AMHR2: variants seen among roughly 807,000 people sequenced by gnomAD.
The protein encoded by AMHR2 is anti-Mullerian hormone receptor type 2.
In AMHR2, 36 loss-of-function variants were observed where a neutral mutation model predicts 61.4. The ratio of observed to expected loss-of-function variants is 0.59; its 90% CI spans 0.45 to 0.77. The LOEUF (loss-of-function observed/expected upper bound fraction) is 0.77, where lower values mean the gene tolerates loss of function less well. Among genes scored for constraint, AMHR2 ranks in the 30% least tolerant of loss-of-function variants. The pLI, the probability that AMHR2 is intolerant of heterozygous loss-of-function variation, is 0.00. For missense variants in AMHR2, 638 were observed against 714.6 expected, an observed-to-expected ratio of 0.89 and a Z score of 1.22; for synonymous variants, 258 against 279.4, an observed-to-expected ratio of 0.92 and a Z score of 0.76.
In AMHR2 at chr12:53,425,642, C is replaced by T. The variant is rs200782636; in HGVS notation, c.622-47C>T. 1.5e-4 allele frequency: 247 copies of T among 1,612,736 alleles called. No homozygotes were observed. The African/African-American group carries it at 2.9e-3, about 19-fold the overall frequency. ...AGGTTGTGCTGGGGAGGAATCCTGGCCCTGTTATAGCTCAGAGGCCCACAC... is the reference window on the plus strand; with the variant it reads ...AGGTTGTGCTGGGGAGGAATCCTGGTCCTGTTATAGCTCAGAGGCCCACAC... On this transcript the variant is annotated intron_variant, in intron 5 of 10. Coordinates refer to ENST00000257863, the MANE Select transcript of AMHR2 (RefSeq NM_020547.3).
chr12:53,424,179 A>G (rs1939319798), intron 1 of AMHR2, 109 bp from the exon 2 acceptor site: 4 of 1,482,114 alleles, frequency 2.7e-6, no homozygotes, highest in Non-Finnish European at 3.8e-6. Flanking sequence ...TGGCTTTACC[A>G]TACTGACGCT....
At position 53,425,586 on chromosome 12, in the gene AMHR2, G is replaced by A. The variant is rs1362248356; in HGVS notation, c.621+13G>A. On this transcript the variant is annotated intron_variant, in intron 5 of 10. Transcript: ENST00000257863. ...GTGTTTCTCCCAGGTGCCCCAGGGAGGGAGAGAAGGGCTCCTCTGGGCACT... is the reference window on the plus strand; with the variant it reads ...GTGTTTCTCCCAGGTGCCCCAGGGAAGGAGAGAAGGGCTCCTCTGGGCACT... The A allele has an allele frequency of 6.2e-7, 1 of 1,613,540 alleles. No individual in the cohort carries two copies. The highest frequency in any genetic ancestry group is 8.5e-7 in the Non-Finnish European group (1 of 1,179,822).
intron 3 of AMHR2, 95 bp from the exon 4 acceptor site, chr12:53,425,070 G>A: frequency 2.5e-6 from 4 of 1,599,908 alleles, no homozygotes; most frequent in Non-Finnish European, 2.5e-6. Flanking sequence ...TGACCAGGGT[G>A]GGGGTGGGTT....
chr12:53,423,872 T>G lies in AMHR2; in HGVS notation c.-63T>G, dbSNP rs758648320. 15 of 1,581,090 alleles carry G rather than the reference T, an allele frequency of 9.5e-6. No individual in the cohort carries two copies. The highest frequency in any genetic ancestry group is 1.1e-5 in the Non-Finnish European group (13 of 1,151,156). ...GATGCCCTGTATCTGAAGAAAGATT[T>G]GGCCAGGGGCAGCTGTGCTGGCTTA... On this transcript the variant is annotated 5_prime_UTR_variant, in exon 1 of 11. Coordinates refer to ENST00000257863, the MANE Select transcript of AMHR2 (RefSeq NM_020547.3).
Position 53,431,437 on chromosome 12 carries a change from G to C in AMHR2, c.1686G>C (p.Arg562Ser), listed in dbSNP as rs778363612. The change falls in exon 11 of 11, where the codon AGG (arginine) becomes AGC (serine). Residue 562 changes from arginine (R) to serine (S), a missense_variant. Transcript: ENST00000257863. ...GCGTTCAGCAAGGCCCTTGTTCCAGGAATCCTCAGCCTGCCTGTACCCTTT... is the reference window on the plus strand; with the variant it reads ...GCGTTCAGCAAGGCCCTTGTTCCAGCAATCCTCAGCCTGCCTGTACCCTTT... Reference protein sequence around the residue: ...HFSVQQGPCSRNPQPACTLSP... With the variant: ...HFSVQQGPCSSNPQPACTLSP... 22 of 1,614,098 alleles carry C rather than the reference G, an allele frequency of 1.4e-5. 1 individual carries two copies. In the Middle Eastern group the frequency reaches 4.9e-4, roughly 36 times the overall value.
chr12:53,431,379 C>G lies in AMHR2; in HGVS notation c.1628C>G (p.Pro543Arg). The G allele has an allele frequency of 6.2e-7, 1 of 1,614,232 alleles. No individual in the cohort carries two copies. The highest frequency in any genetic ancestry group is 8.5e-7 in the Non-Finnish European group (1 of 1,180,042). The change falls in exon 11 of 11, where the codon CCC becomes CGC. Residue 543 changes from proline (P) to arginine (R), a missense_variant. Pro to Arg is a moderately radical substitution (Grantham distance 103, BLOSUM62 -2). Transcript: ENST00000257863. The part of the protein sequence containing the change: ...CTSIPAPTIL[P>R]CRPQRSACHF... ...TCAATTCCTGCCCCTACCATCCTCCCCTGTAGGCCTCAGCGGAGTGCCTGC... is the reference window on the plus strand; with the variant it reads ...TCAATTCCTGCCCCTACCATCCTCCGCTGTAGGCCTCAGCGGAGTGCCTGC...
Position 53,429,879 on chromosome 12 carries a change from G to T in AMHR2, c.1189G>T (p.Asp397Tyr). 1.2e-6 allele frequency: 2 copies of T among 1,614,192 alleles called. No individual in the cohort carries two copies. The highest frequency in any genetic ancestry group is 1.7e-6 in the Non-Finnish European group (2 of 1,180,036). The change falls in exon 9 of 11, where the codon GAC (aspartate) becomes TAC (tyrosine). Residue 397 changes from aspartate (D) to tyrosine (Y), a missense_variant. By Grantham distance (160) the Asp-to-Tyr change is radical. Transcript: ENST00000257863. ...ACCAGAGCTCTTGGACAAGACTCTG[G>T]ACCTACAGGATTGGGGCATGGCCCT... ...MAPELLDKTL[D>Y]LQDWGMALRR...
At position 53,431,404 on chromosome 12, in the gene AMHR2, C is replaced by G; in HGVS notation, c.1653C>G (p.Cys551Trp). Residue 551 changes from cysteine to tryptophan, a missense_variant, in exon 11 of 11, where the codon TGC becomes TGG. Coordinates refer to ENST00000257863, the MANE Select transcript of AMHR2 (RefSeq NM_020547.3). ...ILPCRPQRSACHFSVQQGPCS... is the reference protein window; with the variant it reads ...ILPCRPQRSAWHFSVQQGPCS... ...CCTGTAGGCCTCAGCGGAGTGCCTG[C>G]CACTTCAGCGTTCAGCAAGGCCCTT... 1 of 1,614,224 alleles carries G rather than the reference C, an allele frequency of 6.2e-7. No individual in the cohort carries two copies. The highest frequency in any genetic ancestry group is 2.2e-5 in the East Asian group (1 of 44,886).
chr12:53,430,206 C>G lies in AMHR2; in HGVS notation c.1349C>G (p.Ser450Cys). ...GCAGAACTGGGCAATACCCCTACCTCTGATGAGCTATGGGCCTTGGCAGTG... is the reference window on the plus strand; with the variant it reads ...GCAGAACTGGGCAATACCCCTACCTGTGATGAGCTATGGGCCTTGGCAGTG... ...YEAELGNTPT[S>C]DELWALAVQE... The change falls in exon 10 of 11, where the codon TCT (serine) becomes TGT (cysteine). Residue 450 changes from serine (S) to cysteine (C), a missense_variant. Physicochemically the swap from Ser to Cys is moderately radical, Grantham distance 112. Transcript: ENST00000257863. 6.2e-7 allele frequency: 1 copy of G among 1,612,980 alleles called. No individual in the cohort carries two copies. The highest frequency in any genetic ancestry group is 8.5e-7 in the Non-Finnish European group (1 of 1,179,008).
rs79933747 is a variant in AMHR2 at position 53,427,158 on chromosome 12, G to T, written c.852+1239G>T. ...ATAGACTAGCAGGGGAGACAGAAAT[G>T]GATCAAGTAAACACGAGTGTCAAAT... is the stretch of plus-strand genomic sequence containing the variant. On this transcript the variant is annotated intron_variant, in intron 6 of 10. Transcript: ENST00000257863. 1.4e-4 allele frequency among the ~76,000 whole-genome samples: 22 copies of T among 152,224 alleles called. No individual in the cohort carries two copies. In the East Asian group the frequency reaches 4.2e-3, roughly 29 times the overall value.
Position 53,424,449 on chromosome 12 carries a change from C to A in AMHR2, c.211C>A (p.Arg71=), listed in dbSNP as rs200109472. The change falls in exon 2 of 11, where the codon CGG becomes AGG. Residue 71 remains arginine, a synonymous_variant. Coordinates refer to ENST00000257863, the MANE Select transcript of AMHR2 (RefSeq NM_020547.3). ...TGGGATCTGGAACCTGACCCAAGAC[C>A]GGGCACAGGTGGAAATGCAAGGTGA... ...CFGIWNLTQD[R]AQVEMQGCRD... is the part of the protein sequence containing the mutation. The A allele has an allele frequency of 5.6e-5, 90 of 1,613,198 alleles. No homozygotes were observed. The highest frequency in any genetic ancestry group is 7.2e-5 in the Non-Finnish European group (85 of 1,179,728).
chr12:53,426,368 A>G (rs753757888), intron 6 of AMHR2, among the ~76,000 whole-genome samples: 20 of 151,618 alleles, frequency 1.3e-4, no homozygotes, highest in Non-Finnish European at 2.4e-4. Flanking sequence ...AGACGCCTGT[A>G]ATCCCAGCAC....
chr12:53,429,683 T>C, intron 8 of AMHR2, 58 bp downstream of exon 8: 2 of 1,604,552 alleles, frequency 1.2e-6, no homozygotes, highest in African/African-American at 1.3e-5. Flanking sequence ...CTGATGGCAA[T>C]GCAGCCATTG....
chr12:53,429,317 G>T (rs1314381583), intron 7 of AMHR2, 136 bp from the exon 8 acceptor site: 2 of 936,414 alleles, frequency 2.1e-6, no homozygotes, highest in African/African-American at 3.3e-5. Context: ...ACTTGAACCC[G>T]GGAGGCGGAG....
In AMHR2 at chr12:53,431,514, A is replaced by G; in HGVS notation, c.*41A>G. On this transcript the variant is annotated 3_prime_UTR_variant, in exon 11 of 11. Transcript: ENST00000257863. ...GTCATCAATGTACATGCCAACATAA[A>G]TATGGCGATTGTATAGCTGTCTTGT... 6.2e-7 allele frequency: 1 copy of G among 1,611,722 alleles called. No homozygotes were observed. The highest frequency in any genetic ancestry group is 8.5e-7 in the Non-Finnish European group (1 of 1,177,908).
Position 53,431,494 on chromosome 12 carries a change from C to T in AMHR2, c.*21C>T, listed in dbSNP as rs1410623302. On this transcript the variant is annotated 3_prime_UTR_variant, in exon 11 of 11. Coordinates refer to ENST00000257863, the MANE Select transcript of AMHR2 (RefSeq NM_020547.3). ...TGTAAATATGCAGTTTATGTGTCAT[C>T]AATGTACATGCCAACATAAATATGG... 2.5e-6 allele frequency: 4 copies of T among 1,613,986 alleles called. No homozygotes were observed. Among genetic ancestry groups the T allele is most frequent in the Non-Finnish European group, 3.4e-6 (4 of 1,179,872 alleles).
chr12:53,429,982 A>C lies in AMHR2; in HGVS notation c.1288+4A>C. 6.2e-7 allele frequency: 1 copy of C among 1,614,206 alleles called. No individual in the cohort carries two copies. The highest frequency in any genetic ancestry group is 8.5e-7 in the Non-Finnish European group (1 of 1,180,026). On this transcript the variant is annotated splice_donor_region_variant and intron_variant, in intron 9 of 10. Transcript: ENST00000257863. ...CGCTGCCCAGATTTGAGGCCTGGTA[A>C]GGATGGGTGGTACAGTCCCCTCTCC... is the stretch of plus-strand genomic sequence containing the variant.
At chr12:53,426,982 C>CA (rs929522833) in intron 6 of AMHR2, among the ~76,000 whole-genome samples, 827 of 71,012 alleles carry the variant, frequency 0.012, 8 homozygotes, top group South Asian at 0.025. Flanking sequence ...CGTGCCCAGC[C>CA]AAAAAAAAAA....
In AMHR2 at chr12:53,430,260, C is replaced by A; in HGVS notation, c.1403C>A (p.Ser468Tyr). 1 of 1,614,190 alleles carries A rather than the reference C, an allele frequency of 6.2e-7. No homozygotes were observed. Reference protein sequence around the residue: ...VQERRRPYIPSTWRCFATDPD... With the variant: ...VQERRRPYIPYTWRCFATDPD... The stretch of plus-strand genomic sequence containing the variant: ...GAGAGGAGGCGTCCCTACATCCCAT[C>A]CACCTGGCGCTGCTTTGCCACAGTA... The change falls in exon 10 of 11, where the codon TCC (serine) becomes TAC (tyrosine). Residue 468 changes from serine to tyrosine, a missense_variant. Ser to Tyr is a moderately radical substitution (Grantham distance 144). Coordinates refer to ENST00000257863, the MANE Select transcript of AMHR2 (RefSeq NM_020547.3).
Sources: allele counts gnomAD v4.1 joint callset (sites outside exome capture counted in the v4.1 genomes callset), GRCh38; gene constraint gnomAD v4.1.1; transcripts MANE v1.5; gene names NCBI Gene and HGNC (gene_info 2026-07-23, HGNC 2026-07-21).